Variants in OPRM1 observed in about 807,000 individuals in gnomAD.
The protein encoded by OPRM1 is mu-type opioid receptor.
A neutral mutation model predicts 31.8 loss-of-function variants in OPRM1; 27 were observed. The ratio of observed to expected loss-of-function variants is 0.85; its 90% confidence interval spans 0.63 to 1.17. The LOEUF (loss-of-function observed/expected upper bound fraction) is 1.17. Among genes scored for constraint, OPRM1 ranks in the 50% most tolerant of loss-of-function variants. OPRM1 has a pLI of 0.00. For missense variants in OPRM1, 536 were observed against 511.1 expected (o/e 1.05, Z -0.47); for synonymous variants, 196 against 189.9 (o/e 1.03, Z -0.26).
chr6:154,176,706 G>A (rs997237392), intron 3 of OPRM1, among the ~76,000 whole-genome samples: 4 of 152,208 alleles, frequency 2.6e-5, no homozygotes, highest in Admixed American at 1.3e-4. Context: ...CATGCTCATG[G>A]ATAGGAAGAA....
chr6:154,117,297 A>G (rs1344394784), intron 3 of OPRM1, among the ~76,000 whole-genome samples: 1 of 152,172 alleles, frequency 6.6e-6, no homozygotes, highest in Non-Finnish European at 1.5e-5. Context: ...AAGAATTTCA[A>G]CCTCTTAGAA....
At chr6:154,142,857 G>T (rs1798256783) in intron 3 of OPRM1, among the ~76,000 whole-genome samples, 1 of 152,154 alleles carries the variant, frequency 6.6e-6, no homozygotes, top group South Asian at 2.1e-4. Context: ...TTTTAGCCTT[G>T]CAGTCCATGG....
chr6:154,236,170 T>G (rs1235320110), intron 3 of OPRM1, among the ~76,000 whole-genome samples: 1 of 152,062 alleles, frequency 6.6e-6, no homozygotes, highest in Non-Finnish European at 1.5e-5. Flanking sequence ...TATGAGTCAA[T>G]AAACAAAATG....
chr6:154,076,337 T>C (rs911146714), intron 1 of OPRM1, among the ~76,000 whole-genome samples: 1 of 152,168 alleles, frequency 6.6e-6, no homozygotes, highest in Non-Finnish European at 1.5e-5. Context: ...TTTGAGGAAC[T>C]ATTTGCAGCA....
chr6:154,176,596 G>C (rs1437702811), intron 3 of OPRM1, among the ~76,000 whole-genome samples: 2 of 152,022 alleles, frequency 1.3e-5, no homozygotes, highest in African/African-American at 4.8e-5. Flanking sequence ...AAAATACCTA[G>C]GAATCCAATT....
At chr6:154,062,828 C>T (rs989681884) in intron 1 of OPRM1, among the ~76,000 whole-genome samples, 2 of 151,976 alleles carry the variant, frequency 1.3e-5, no homozygotes, top group Admixed American at 1.3e-4. Flanking sequence ...TACTAAGACA[C>T]ACTAAAATGG....
chr6:154,201,910 CA>C (rs1777102649), intron 3 of OPRM1, among the ~76,000 whole-genome samples: 1 of 151,968 alleles, frequency 6.6e-6, no homozygotes, highest in African/African-American at 2.4e-5. Flanking sequence ...AACAAACAAA[CA>C]AAAAAACTCC....
intron 1 of OPRM1, among the ~76,000 whole-genome samples, chr6:154,080,900 CCTT>C (rs1223535995): frequency 6.6e-6 from 1 of 152,142 alleles, no homozygotes; most frequent in African/African-American, 2.4e-5. Flanking sequence ...CACATTACAT[CCTT>C]CTTTTATTCC....
intron 1 of OPRM1, among the ~76,000 whole-genome samples, chr6:154,076,477 A>G (rs1055751441): frequency 6.6e-6 from 1 of 152,242 alleles, no homozygotes; most frequent in Non-Finnish European, 1.5e-5. Flanking sequence ...TCTAATTAGT[A>G]TATTGTTAAT....
intron 1 of OPRM1, among the ~76,000 whole-genome samples, chr6:154,013,128 G>A (rs764102176): frequency 1.3e-5 from 2 of 152,150 alleles, no homozygotes; most frequent in Non-Finnish European, 2.9e-5. Context: ...AAGAGGAAGA[G>A]AGTTTTCAAG....
chr6:154,126,532 G>A lies in OPRM1; in HGVS notation c.*7811G>A, dbSNP rs1299136707. The stretch of plus-strand genomic sequence containing the variant: ...GGCTCTTCTTCCCTGGTTCCCTCAG[G>A]AGCTGGGTTTCTGGGTTGCAGAAGT... On this transcript the variant is annotated 3_prime_UTR_variant, in exon 4 of 4. Transcript: ENST00000330432. 6.6e-6 allele frequency among the ~76,000 whole-genome samples: 1 copy of A among 152,140 alleles called. No homozygotes were observed. The highest frequency in any genetic ancestry group is 2.4e-5 in the African/African-American group (1 of 41,424).
chr6:154,211,617 G>A (rs895433422), intron 3 of OPRM1, among the ~76,000 whole-genome samples: 1 of 152,080 alleles, frequency 6.6e-6, no homozygotes, highest in African/African-American at 2.4e-5. Flanking sequence ...GGAAAAAAAG[G>A]CACTCACCAC....
At chr6:154,141,034 C>T (rs62436490) in intron 3 of OPRM1, among the ~76,000 whole-genome samples, 3,597 of 152,334 alleles carry the variant, frequency 0.024, 62 homozygotes, top group Non-Finnish European at 0.036. Flanking sequence ...AGAATGTTCA[C>T]TCCTTGGTGG....
chr6:154,188,240 G>C (rs140383345), intron 3 of OPRM1, among the ~76,000 whole-genome samples: 5 of 152,050 alleles, frequency 3.3e-5, no homozygotes, highest in African/African-American at 1.2e-4. Flanking sequence ...GAGAAAAATC[G>C]ATGTTAAAAA....
In OPRM1 at chr6:154,099,948, T is replaced by C. The variant is rs1037773065; in HGVS notation, c.1164+8476T>C. 3.5e-5 allele frequency among the ~76,000 whole-genome samples: 5 copies of C among 142,968 alleles called. No individual in the cohort carries two copies. The South Asian group carries it at 6.5e-4, about 18-fold the overall frequency. The allele number at this position is 142,968 out of a possible 152,430, so 93.8% of individuals were successfully genotyped here. On this transcript the variant is annotated intron_variant, in intron 3 of 3. Coordinates refer to ENST00000330432, the MANE Select transcript of OPRM1 (RefSeq NM_000914.5). ...TATTATCATATTATGATATATATCA[T>C]AACATATATATTATCATATTACGAT... is the stretch of plus-strand genomic sequence containing the variant.
At chr6:154,164,927 A>G (rs1371668629) in intron 3 of OPRM1, among the ~76,000 whole-genome samples, 1 of 152,224 alleles carries the variant, frequency 6.6e-6, no homozygotes, top group Admixed American at 6.5e-5. Context: ...AGTTTGCTCA[A>G]CTTCCTAGAA....
At chr6:154,197,039 T>C (rs1299451648) in intron 3 of OPRM1, among the ~76,000 whole-genome samples, 2 of 152,220 alleles carry the variant, frequency 1.3e-5, no homozygotes, top group Admixed American at 6.5e-5. Flanking sequence ...TAAGAATCTT[T>C]GCTAGGATGA....
chr6:154,141,570 C>T (rs7763748), intron 3 of OPRM1, among the ~76,000 whole-genome samples: 18,965 of 152,184 alleles, frequency 0.12, 1,594 homozygotes, highest in South Asian at 0.31. Context: ...GAGGTCCTGA[C>T]GACATGTGCC....
intron 3 of OPRM1, among the ~76,000 whole-genome samples, chr6:154,175,208 C>T (rs1439391810): frequency 6.6e-6 from 1 of 152,120 alleles, no homozygotes; most frequent in Non-Finnish European, 1.5e-5. Flanking sequence ...TAAATGCCCA[C>T]AAGAGAAAGC....
Sources: gnomAD v4.1 joint callset for allele counts (sites outside exome capture counted in the v4.1 genomes callset) on GRCh38, gnomAD v4.1.1 for gene constraint, MANE v1.5 for transcripts, NCBI Gene and HGNC (gene_info 2026-07-23, HGNC 2026-07-21) for gene names.